CLASP1: variants seen among roughly 807,000 people sequenced by gnomAD.
CLASP1 encodes CLIP-associating protein 1.
CLASP1 carries 38 observed loss-of-function variants against 192.3 expected under a neutral mutation model. That is an observed-to-expected ratio of 0.20 (90% CI 0.15 to 0.26). The LOEUF is 0.26. Ranked by LOEUF, CLASP1 falls within the 10% of genes least tolerant of loss-of-function variation. CLASP1 has a pLI of 1.00. For missense variants in CLASP1, 1,433 were observed against 1,932.5 expected (o/e 0.74, Z 4.85); for synonymous variants, 691 against 712.8 (o/e 0.97, Z 0.49).
intron 2 of CLASP1, among the ~76,000 whole-genome samples, chr2:121,585,183 C>T (rs1287508667): frequency 6.6e-6 from 1 of 152,154 alleles, no homozygotes; most frequent in Non-Finnish European, 1.5e-5. Flanking sequence ...ACAGTCTGGT[C>T]CCAGGTTAAC....
At chr2:121,450,433 A>C (rs573499258) in intron 16 of CLASP1, among the ~76,000 whole-genome samples, 1 of 152,176 alleles carries the variant, frequency 6.6e-6, no homozygotes, top group African/African-American at 2.4e-5. Flanking sequence ...ACTTGTTGAG[A>C]CAGAAACAAC....
chr2:121,554,454 T>TAAAAAA lies in CLASP1; in HGVS notation c.196-24135_196-24130dup, dbSNP rs56965310. ...AGGAAGACCCTGCCTCTACAAAAAG[T>TAAAAAA]AAAAAAAAAAAAAAAAAAAAAAAAA... On this transcript the variant is annotated intron_variant, in intron 2 of 39. Coordinates refer to ENST00000263710, the Ensembl canonical transcript of CLASP1. Among the ~76,000 whole-genome samples, 30 of 87,534 alleles carry TAAAAAA rather than the reference T, an allele frequency of 3.4e-4. 3 individuals are homozygous for TAAAAAA. The highest frequency in any genetic ancestry group is 1.2e-3 in the African/African-American group (28 of 22,700). The allele number at this position is 87,534 out of a possible 152,430, so 57.4% of individuals were successfully genotyped here. A position where few individuals can be genotyped will look rare whatever the true frequency, so the allele number is the denominator to read the frequency against.
exon 17 of CLASP1, chr2:121,448,985 G>A (rs375455669): frequency 4.3e-6 from 7 of 1,613,928 alleles, no homozygotes; most frequent in Non-Finnish European, 5.9e-6. Flanking sequence ...AAGATGAGCG[G>A]TCTGACTGAG....
intron 20 of CLASP1, among the ~76,000 whole-genome samples, chr2:121,428,521 C>T (rs2080843336): frequency 6.6e-6 from 1 of 152,144 alleles, no homozygotes; most frequent in Non-Finnish European, 1.5e-5. Flanking sequence ...TTTGTGTCTC[C>T]AGGCATCACT....
chr2:121,469,818 G>C (rs759748555), exon 9 of CLASP1: 13 of 1,611,542 alleles, frequency 8.1e-6, no homozygotes, highest in Non-Finnish European at 1.1e-5. Flanking sequence ...CTGAAGACTT[G>C]GATCCAAGGG....
intron 1 of CLASP1, among the ~76,000 whole-genome samples, chr2:121,634,800 T>C (rs767094366): frequency 1.3e-5 from 2 of 152,148 alleles, no homozygotes; most frequent in African/African-American, 2.4e-5. Context: ...GCCATCTTCC[T>C]CAGAATAGGA....
intron 19 of CLASP1, among the ~76,000 whole-genome samples, chr2:121,446,123 TG>T (rs2149765818): frequency 1.3e-5 from 2 of 152,368 alleles, no homozygotes; most frequent in East Asian, 3.9e-4. Context: ...TCAATTGTTA[TG>T]GGTGTATGAG....
At chr2:121,496,398 T>C (rs1292868744) in intron 8 of CLASP1, among the ~76,000 whole-genome samples, 1 of 152,190 alleles carries the variant, frequency 6.6e-6, no homozygotes, top group East Asian at 1.9e-4. Context: ...CCCCATGTTG[T>C]CATTCATTCT....
In CLASP1 at chr2:121,367,393, G is replaced by A. The variant is rs986480284; in HGVS notation, c.3886+195C>T. On this transcript the variant is annotated intron_variant, in intron 35 of 39. Transcript: ENST00000263710. ...TCACTGCCCCGCTACTTGTGCTTCT[G>A]TTCACTGCCATGTTCCCCGTGCCCA... Among the ~76,000 whole-genome samples the A allele has an allele frequency of 2.0e-5, 3 of 152,320 alleles. No homozygotes were observed. In the South Asian group the frequency reaches 6.2e-4, roughly 32 times the overall value.
Position 121,342,570 on chromosome 2 carries a change from AG to A in CLASP1, c.4531-1624del, listed in dbSNP as rs2062917279. Among the ~76,000 whole-genome samples, 7 of 152,360 alleles carry A rather than the reference AG, an allele frequency of 4.6e-5. No individual in the cohort carries two copies. The South Asian group carries it at 1.4e-3, about 32-fold the overall frequency. ...ACCTAAACTTTTATCTTAAGGAACT[AG>A]AAAAAAGAACTACATCTAAAGCTAG... is the stretch of plus-strand genomic sequence containing the variant. On this transcript the variant is annotated intron_variant, in intron 39 of 39. Coordinates refer to ENST00000263710, the Ensembl canonical transcript of CLASP1.
intron 39 of CLASP1, among the ~76,000 whole-genome samples, chr2:121,344,363 G>A (rs1324888348): frequency 4.0e-5 from 6 of 149,926 alleles, no homozygotes; most frequent in African/African-American, 7.4e-5. Flanking sequence ...ACAGAGTTTC[G>A]CTCTGTCACC....
Position 121,458,726 on chromosome 2 carries a change from T to G in CLASP1, c.1314+114A>C, listed in dbSNP as rs796851653. On this transcript the variant is annotated intron_variant, in intron 13 of 39. Coordinates refer to ENST00000263710, the Ensembl canonical transcript of CLASP1. ...TATATACAAAATTCCAATATAATTA[T>G]GCTAATAAATTTAATGACTCAATAT... is the stretch of plus-strand genomic sequence containing the variant. The G allele has an allele frequency of 2.7e-5, 21 of 777,020 alleles. No homozygotes were observed. In the African/African-American group the frequency reaches 3.8e-4, roughly 14 times the overall value. 48.1% of individuals were successfully genotyped at this position (777,020 alleles called of 1,614,324 possible).
chr2:121,561,164 C>T (rs2059053169), intron 2 of CLASP1, among the ~76,000 whole-genome samples: 1 of 152,240 alleles, frequency 6.6e-6, no homozygotes, highest in African/African-American at 2.4e-5. Context: ...ACCTCGGCCT[C>T]CCAAAGTGCT....
intron 13 of CLASP1, 29 bp from the exon 14 acceptor site, chr2:121,457,786 A>T: frequency 6.5e-7 from 1 of 1,539,774 alleles, no homozygotes; most frequent in Non-Finnish European, 8.9e-7. Context: ...AACAGAGGTC[A>T]ACACTTGCAA....
chr2:121,405,777 A>C (rs768868771), intron 25 of CLASP1, among the ~76,000 whole-genome samples: 20 of 152,326 alleles, frequency 1.3e-4, no homozygotes, highest in Non-Finnish European at 2.5e-4. Context: ...TCTATTTTTG[A>C]CAGGTCACCA....
intron 22 of CLASP1, among the ~76,000 whole-genome samples, chr2:121,420,966 T>C (rs1339255107): frequency 1.3e-5 from 2 of 152,232 alleles, no homozygotes; most frequent in African/African-American, 4.8e-5. Flanking sequence ...CCTCCGGTAT[T>C]TCACCCAGAG....
chr2:121,479,406 T>C (rs768864775), intron 8 of CLASP1, among the ~76,000 whole-genome samples: 1 of 152,048 alleles, frequency 6.6e-6, no homozygotes, highest in Non-Finnish European at 1.5e-5. Flanking sequence ...AAAACAACAA[T>C]AGCATCAATA....
chr2:121,367,887 T>C, intron 34 of CLASP1, 56 bp from the exon 36 acceptor site: 3 of 1,586,658 alleles, frequency 1.9e-6, no homozygotes, highest in Non-Finnish European at 2.6e-6. Flanking sequence ...ACATTTCCTT[T>C]GAATGCTCAG....
intron 19 of CLASP1, among the ~76,000 whole-genome samples, chr2:121,431,849 T>A (rs910180546): frequency 3.9e-5 from 6 of 152,150 alleles, no homozygotes; most frequent in African/African-American, 1.4e-4. Context: ...GGTCTATATT[T>A]TTCTAAAGCT....
Sources: allele counts gnomAD v4.1 joint callset (sites outside exome capture counted in the v4.1 genomes callset), GRCh38; gene constraint gnomAD v4.1.1; transcripts MANE v1.5; gene names NCBI Gene and HGNC (gene_info 2026-07-23, HGNC 2026-07-21).